PLXND1: variants seen among roughly 807,000 people sequenced by gnomAD.
The protein encoded by PLXND1 is plexin-D1.
Under a neutral mutation model 197.7 loss-of-function variants are expected in PLXND1, and 54 were observed. That is an observed-to-expected ratio of 0.27 (90% confidence interval 0.22 to 0.34). PLXND1 has a LOEUF of 0.34. PLXND1 is among the 10% of genes least tolerant of loss of function. The pLI, the probability that PLXND1 is intolerant of heterozygous loss-of-function variation, is 1.00. For missense variants in PLXND1, 2,127 were observed against 2,699.2 expected (o/e 0.79, Z 4.70); for synonymous variants, 1,180 against 1,161.2 (o/e 1.02, Z -0.33).
chr3:129,556,453 G>T, intron 35 of PLXND1, 25 bp from the exon 36 acceptor site: 1 of 1,577,056 alleles, frequency 6.3e-7, no homozygotes, highest in Non-Finnish European at 8.7e-7. Context: ...GGAGTCAGCC[G>T]GGCCATGGCC....
rs1206442733 is a variant in PLXND1 at position 129,563,251 on chromosome 3, CG to C, written c.4522-12del. 3 of 1,603,550 alleles carry C rather than the reference CG, an allele frequency of 1.9e-6. No individual in the cohort carries two copies. The highest frequency in any genetic ancestry group is 1.3e-5 in the African/African-American group (1 of 74,644). ...CTCCCCCACCGTCTCCTGAGGGGCA[CG>C]GGGGTATCAGGGCCAAGGCCCCCTC... On this transcript the variant is annotated splice_polypyrimidine_tract_variant and intron_variant, in intron 25 of 35. Transcript: ENST00000324093.
At chr3:129,556,498 C>A in intron 35 of PLXND1, 70 bp from the exon 36 acceptor site, 1 of 1,370,852 alleles carries the variant, frequency 7.3e-7, no homozygotes, top group Non-Finnish European at 1.0e-6. Context: ...AGAGAACACA[C>A]CCCTGAACGT....
intron 22 of PLXND1, 38 bp downstream of exon 22, chr3:129,567,454 C>T (rs1432805792): frequency 8.0e-7 from 1 of 1,256,916 alleles, no homozygotes; most frequent in Non-Finnish European, 1.1e-6. Flanking sequence ...CTTGAGGTGG[C>T]TGGCACAGGT....
chr3:129,570,747 G>A, intron 19 of PLXND1, 39 bp downstream of exon 19: 1 of 1,604,992 alleles, frequency 6.2e-7, no homozygotes. Flanking sequence ...GCCAGGGGTG[G>A]GGCCAGGTCT....
chr3:129,575,825 C>T lies in PLXND1; in HGVS notation c.2377G>A (p.Glu793Lys). The change falls in exon 10 of 36, where the codon GAG (glutamate) becomes AAG (lysine). Residue 793 changes from glutamate to lysine, a missense_variant. Glu to Lys is a moderately conservative substitution (Grantham distance 56). Transcript: ENST00000324093. ...ACCCACACAGCCTCGAAGATCTCCT[C>T]CAGCCCAAAACTACACTCCAGGGCT... ...GAALECSFGLEEIFEAVWVNE... is the reference protein window; with the variant it reads ...GAALECSFGLKEIFEAVWVNE... 6.2e-7 allele frequency: 1 copy of T among 1,613,360 alleles called. No homozygotes were observed. The highest frequency in any genetic ancestry group is 8.5e-7 in the Non-Finnish European group (1 of 1,179,462).
chr3:129,584,128 G>C lies in PLXND1; in HGVS notation c.2135C>G (p.Thr712Arg), dbSNP rs1337676357. ...GCAAGCCACCCAAGCCACTCACGCT[G>C]TGTGGGGGTACACTTGTGCAGTGCG... ...CSRTAQVYPH[T>R]ACTSCLSAQW... The change falls in exon 7 of 36, where the codon ACA becomes AGA. Residue 712 changes from threonine (T) to arginine (R), a missense_variant. Physicochemically the swap from Thr to Arg is moderately conservative, Grantham distance 71 (BLOSUM62 -1). Around this residue, in one of 6 missense-constraint regions of PLXND1, gnomAD observed 1,095 missense variants for 1,259.8 expected, o/e 0.87. Transcript: ENST00000324093. 3 of 1,556,442 alleles carry C rather than the reference G, an allele frequency of 1.9e-6. No individual in the cohort carries two copies. The South Asian group carries it at 3.5e-5, about 18-fold the overall frequency.
chr3:129,584,301 G>C (rs1220852062), intron 6 of PLXND1, 68 bp from the exon 7 acceptor site: 6 of 1,594,820 alleles, frequency 3.8e-6, no homozygotes, highest in Non-Finnish European at 5.2e-6. Context: ...CAGAAGCTGT[G>C]ACCTCTGGCC....
intron 14 of PLXND1, 26 bp from the exon 15 acceptor site, chr3:129,572,774 G>C: frequency 6.2e-7 from 1 of 1,602,602 alleles, no homozygotes; most frequent in South Asian, 1.1e-5. Context: ...AGGCGTTTGG[G>C]CCTCGGGCCA....
Position 129,586,779 on chromosome 3 carries a change from G to A in PLXND1, c.1489-60C>T, listed in dbSNP as rs569373920. The A allele has an allele frequency of 9.1e-5, 142 of 1,564,894 alleles. No individual in the cohort carries two copies. In the South Asian group the frequency reaches 1.6e-3, roughly 18 times the overall value. ...CATAGCAGGGGAGGCCAAACCCAGG[G>A]GACAACCTGAGCCCGGGTCTGGGGG... is the stretch of plus-strand genomic sequence containing the variant. On this transcript the variant is annotated intron_variant, in intron 2 of 35. Coordinates refer to ENST00000324093, the MANE Select transcript of PLXND1 (RefSeq NM_015103.3).
In PLXND1 at chr3:129,572,832, C is replaced by A. The variant is rs376825658; in HGVS notation, c.2937+10G>T. The A allele has an allele frequency of 2.0e-4, 321 of 1,609,712 alleles. 2 individuals carry two copies. In the Admixed American group the frequency reaches 4.2e-3, roughly 21 times the overall value. On this transcript the variant is annotated intron_variant, in intron 14 of 35. Transcript: ENST00000324093. ...GGCGGGCCGGACAGTGGGCTGCAGC[C>A]CCCCCTTACCACGTAGGAGAAGCGG...
rs979603878 is a variant in PLXND1 at position 129,586,232 on chromosome 3, G to A, written c.1661C>T (p.Thr554Ile). The A allele has an allele frequency of 2.5e-6, 4 of 1,599,274 alleles. No individual in the cohort carries two copies. The highest frequency in any genetic ancestry group is 1.3e-5 in the African/African-American group (1 of 74,850). Residue 554 changes from threonine (T) to isoleucine (I), a missense_variant, in exon 4 of 36, where the codon ACC becomes ATC. By Grantham distance (89) the Thr-to-Ile change is moderately conservative. This residue lies in a region of PLXND1 where 1,095 missense variants were observed against 1,259.8 expected (regional missense o/e 0.87). Coordinates refer to ENST00000324093, the MANE Select transcript of PLXND1 (RefSeq NM_015103.3). ...VKVAACNVHSTCGDCVGAADA... is the reference protein window; with the variant it reads ...VKVAACNVHSICGDCVGAADA... ...CGCCGCACCCACGCAGTCCCCACAG[G>A]TGGAGTGCACGTTGCAGGCGGCGAC...
rs575200920 is a variant in PLXND1 at position 129,599,000 on chromosome 3, T to A, written c.1311+6329A>T. Reference sequence around the variant, plus strand: ...AGCAACAACCACAGTAATTATGACATGATGGGGCAGTTCTGGTGTCAGAGG... The same window carrying A: ...AGCAACAACCACAGTAATTATGACAAGATGGGGCAGTTCTGGTGTCAGAGG... On this transcript the variant is annotated intron_variant, in intron 1 of 35. Transcript: ENST00000324093. 9.2e-5 allele frequency among the ~76,000 whole-genome samples: 14 copies of A among 152,256 alleles called. No individual in the cohort carries two copies. In the South Asian group the frequency reaches 2.9e-3, roughly 32 times the overall value.
chr3:129,569,790 G>A (rs1288516694), intron 20 of PLXND1, 53 bp downstream of exon 20: 2 of 986,568 alleles, frequency 2.0e-6, no homozygotes, highest in Non-Finnish European at 3.3e-6. Flanking sequence ...AGAGGGGCTG[G>A]GGCAAGGTGG....
intron 1 of PLXND1, among the ~76,000 whole-genome samples, chr3:129,595,021 GC>G (rs1177200828): frequency 6.6e-6 from 1 of 152,120 alleles, no homozygotes; most frequent in African/African-American, 2.4e-5. Flanking sequence ...GCCTCTCTCA[GC>G]CCCCGTCCCC....
chr3:129,590,783 G>T (rs1027184047), intron 1 of PLXND1, among the ~76,000 whole-genome samples: 2 of 152,180 alleles, frequency 1.3e-5, no homozygotes, highest in Non-Finnish European at 2.9e-5. Context: ...GGCTCAGAGG[G>T]GAAAATGGCT....
chr3:129,585,363 C>T (rs547805663), intron 5 of PLXND1, among the ~76,000 whole-genome samples: 2 of 152,342 alleles, frequency 1.3e-5, no homozygotes, highest in Admixed American at 6.5e-5. Context: ...TGACCCTCGG[C>T]TCCCACCCCT....
rs1483226550 is a variant in PLXND1 at position 129,561,168 on chromosome 3, GCTC to G, written c.4994-448_4994-446del. 1.5e-5 allele frequency: 7 copies of G among 464,878 alleles called. No individual in the cohort carries two copies. The East Asian group carries it at 4.0e-4, about 27-fold the overall frequency. The allele number at this position is 464,878 out of a possible 1,614,324, so 28.8% of individuals were successfully genotyped here. ...TGCCCACCCCACCCCTGAGCCCAGA[GCTC>G]CTGCCAGCCCAGATTCCCAGGCTGC... On this transcript the variant is annotated intron_variant, in intron 29 of 35. Coordinates refer to ENST00000324093, the MANE Select transcript of PLXND1 (RefSeq NM_015103.3).
chr3:129,573,840 G>T, intron 12 of PLXND1, 95 bp from the exon 13 acceptor site: 1 of 1,362,606 alleles, frequency 7.3e-7, no homozygotes, highest in East Asian at 2.5e-5. Flanking sequence ...GGGCACAGCC[G>T]TGCAGACCCA....
chr3:129,589,407 T>C lies in PLXND1; in HGVS notation c.1432A>G (p.Ser478Gly), dbSNP rs1187704730. 2.5e-6 allele frequency: 4 copies of C among 1,599,730 alleles called. No homozygotes were observed. Among genetic ancestry groups the C allele is most frequent in the South Asian group, 1.1e-5 (1 of 90,708 alleles). Reference protein sequence around the residue: ...APGLTSVAVASVNNYTAVFLG... With the variant: ...APGLTSVAVAGVNNYTAVFLG... ...AAGACCGCTGTGTAGTTGTTGACGC[T>C]GGCCACGGCCACGGAGGTGAGGCCC... Residue 478 changes from serine to glycine, a missense_variant, in exon 2 of 36, where the codon AGC becomes GGC. Physicochemically the swap from Ser to Gly is moderately conservative, Grantham distance 56 (BLOSUM62 0). Coordinates refer to ENST00000324093, the MANE Select transcript of PLXND1 (RefSeq NM_015103.3).
Sources: allele counts gnomAD v4.1 joint callset (sites outside exome capture counted in the v4.1 genomes callset), GRCh38; gene constraint gnomAD v4.1.1; regional missense constraint gnomAD v4.1.1; transcripts MANE v1.5; gene names NCBI Gene and HGNC (gene_info 2026-07-23, HGNC 2026-07-21).